Variants in SLCO4A1 observed in about 807,000 individuals in gnomAD.
SLCO4A1 encodes solute carrier organic anion transporter family member 4A1.
A neutral mutation model predicts 64.6 loss-of-function variants in SLCO4A1; 51 were observed. The ratio of observed to expected loss-of-function variants is 0.79; its 90% CI spans 0.63 to 1.00. The LOEUF (loss-of-function observed/expected upper bound fraction) is 1.00. SLCO4A1 is among the 50% of genes least tolerant of loss of function. SLCO4A1 has a pLI of 0.00. For missense variants in SLCO4A1, 919 were observed against 980.5 expected, an observed-to-expected ratio of 0.94 and a Z score of 0.84; for synonymous variants, 471 against 444.9, an observed-to-expected ratio of 1.06 and a Z score of -0.74.
downstream of SLCO4A1, among the ~76,000 whole-genome samples, chr20:62,688,815 C>T (rs1347791549): frequency 6.6e-6 from 1 of 152,194 alleles, no homozygotes; most frequent in Non-Finnish European, 1.5e-5. Context: ...CAGGGGAGAC[C>T]TAACTTTCAG....
intron 11 of SLCO4A1, among the ~76,000 whole-genome samples, chr20:62,670,471 ACGC>A (rs1317397454): frequency 9.2e-5 from 14 of 152,314 alleles, no homozygotes; most frequent in Admixed American, 2.6e-4. Flanking sequence ...CGGAGCACTC[ACGC>A]CGCCGTTCAG....
rs1254671533 is a variant in SLCO4A1 at position 62,668,933 on chromosome 20, G to C, written c.1880G>C (p.Gly627Ala). Residue 627 changes from glycine (G) to alanine (A), a missense_variant, in exon 11 of 12, where the codon GGC becomes GCC. Gly to Ala is a moderately conservative substitution (Grantham distance 60, BLOSUM62 0). Transcript: ENST00000217159. ...IQWIVVRILG[G>A]IPGPIAFGWV... ...CTGAGTGGGCTTCTCTCCGCAGGGG[G>C]CATCCCGGGGCCCATCGCCTTCGGC... The C allele has an allele frequency of 3.1e-6, 5 of 1,602,732 alleles. No homozygotes were observed. The highest frequency in any genetic ancestry group is 2.2e-5 in the East Asian group (1 of 44,876).
intron 2 of SLCO4A1, among the ~76,000 whole-genome samples, chr20:62,683,018 G>A (rs544141581): frequency 3.0e-4 from 45 of 152,328 alleles, no homozygotes; most frequent in African/African-American, 9.6e-4. Context: ...CTGTGAGGGC[G>A]CCCTGGTGCT....
downstream of SLCO4A1, among the ~76,000 whole-genome samples, chr20:62,689,280 C>T (rs796407776): frequency 1.3e-5 from 2 of 149,572 alleles, no homozygotes; most frequent in Non-Finnish European, 3.0e-5. Flanking sequence ...GGCCTGTCCC[C>T]GGCTGTGCCC....
rs558737121 is a variant in SLCO4A1 at position 62,647,690 on chromosome 20, T to C, written c.-97+5137T>C. On this transcript the variant is annotated intron_variant, in intron 1 of 11. Transcript: ENST00000217159. ...GCAGGGAGCCAGGCTGGGAAGTAAGTGCATGGGGCCTAGGGAAGTAGGTGG... is the reference window on the plus strand; with the variant it reads ...GCAGGGAGCCAGGCTGGGAAGTAAGCGCATGGGGCCTAGGGAAGTAGGTGG... 2.0e-4 allele frequency among the ~76,000 whole-genome samples: 31 copies of C among 152,346 alleles called. 1 individual carries two copies. In the South Asian group the frequency reaches 6.2e-3, roughly 31 times the overall value.
At chr20:62,686,997 G>GA (rs1218709515), downstream of SLCO4A1, among the ~76,000 whole-genome samples, 232 of 144,332 alleles carry the variant, frequency 1.6e-3, 1 homozygote, top group African/African-American at 5.2e-3. Context: ...GGCACGATGG[G>GA]AAGGGCACCC....
At chr20:62,662,482 G>T (rs1296075050) in intron 5 of SLCO4A1, among the ~76,000 whole-genome samples, 4 of 152,210 alleles carry the variant, frequency 2.6e-5, no homozygotes, top group African/African-American at 9.7e-5. Context: ...TGATAAGGAG[G>T]TTTATGTCCA....
At chr20:62,652,413 G>C (rs1372677353) in intron 1 of SLCO4A1, among the ~76,000 whole-genome samples, 1 of 151,776 alleles carries the variant, frequency 6.6e-6, no homozygotes, top group Non-Finnish European at 1.5e-5. Flanking sequence ...TTCTGTTTCG[G>C]CGGCCGGCGG....
chr20:62,656,446 G>A lies in SLCO4A1; in HGVS notation c.-9G>A, dbSNP rs1217827346. On this transcript the variant is annotated 5_prime_UTR_variant, in exon 2 of 12. Transcript: ENST00000217159. ...TGAAGCCTCGAGGTCACCAGGCGGA[G>A]GCGCGGAGATGCCCCTGCATCAGCT... 3 of 1,465,242 alleles carry A rather than the reference G, an allele frequency of 2.0e-6. No individual in the cohort carries two copies. Among genetic ancestry groups the A allele is most frequent in the Admixed American group, 2.4e-5 (1 of 41,758 alleles). The allele number at this position is 1,465,242 out of a possible 1,614,324, so 90.8% of individuals were successfully genotyped here. A position where few individuals can be genotyped will look rare whatever the true frequency, so the allele number is the denominator to read the frequency against.
intron 1 of SLCO4A1, among the ~76,000 whole-genome samples, chr20:62,653,089 G>A (rs2147069904): frequency 6.6e-6 from 1 of 152,362 alleles, no homozygotes; most frequent in East Asian, 1.9e-4. Context: ...AGTGTGCACA[G>A]CGGGTGTTAG....
At chr20:62,671,675 C>G in intron 11 of SLCO4A1, 75 bp from the exon 12 acceptor site, 1 of 1,434,920 alleles carries the variant, frequency 7.0e-7, no homozygotes, top group Admixed American at 1.8e-5. Flanking sequence ...AGGGACAGGA[C>G]TGGGACAGGC....
Position 62,656,774 on chromosome 20 carries a change from T to G in SLCO4A1, c.320T>G (p.Phe107Cys), listed in dbSNP as rs1248864459. The G allele has an allele frequency of 6.2e-7, 1 of 1,612,682 alleles. No individual in the cohort carries two copies. Among genetic ancestry groups the G allele is most frequent in the African/African-American group, 1.3e-5 (1 of 74,936 alleles). Residue 107 changes from phenylalanine (F) to cysteine (C), a missense_variant, in exon 2 of 12, where the codon TTC (phenylalanine) becomes TGC (cysteine). By Grantham distance (205) the Phe-to-Cys change is radical. Coordinates refer to ENST00000217159, the MANE Select transcript of SLCO4A1 (RefSeq NM_016354.4). ...CTCAACACGCCCAAGGGCATCCTGT[T>G]CTTCCTGTGTGCGGCCGCATTCCTG... ...QVLNTPKGIL[F>C]FLCAAAFLQG...
intron 1 of SLCO4A1, among the ~76,000 whole-genome samples, chr20:62,653,963 A>G (rs1006768343): frequency 2.6e-5 from 4 of 152,072 alleles, no homozygotes; most frequent in African/African-American, 9.7e-5. Context: ...TGGGTGCAGC[A>G]CACCAACATG....
intron 7 of SLCO4A1, chr20:62,666,855 C>T (rs923465667): frequency 2.5e-6 from 1 of 405,208 alleles, no homozygotes. Flanking sequence ...GTAGCTGTGT[C>T]AAATGGAACA....
At chr20:62,672,947 C>T (rs373557599), downstream of SLCO4A1, among the ~76,000 whole-genome samples, 17 of 103,076 alleles carry the variant, frequency 1.6e-4, 5 homozygotes, top group East Asian at 2.9e-4. Context: ...ACGCCACCCT[C>T]GCCCTCCGGT....
Position 62,672,072 on chromosome 20 carries a change from T to TG in SLCO4A1, c.*182dup. 1 of 1,480,364 alleles carries TG rather than the reference T, an allele frequency of 6.8e-7. No homozygotes were observed. The highest frequency in any genetic ancestry group is 1.8e-4 in the Middle Eastern group (1 of 5,688). 91.7% of individuals were successfully genotyped at this position (1,480,364 alleles called of 1,614,324 possible). A position where few individuals can be genotyped will look rare whatever the true frequency, so the allele number is the denominator to read the frequency against. ...CAGAGCTGTACGGCCCTGCAGTGGG[T>TG]GGGAGGAACTTGCATAAATATATAT... On this transcript the variant is annotated 3_prime_UTR_variant, in exon 12 of 12. Coordinates refer to ENST00000217159, the MANE Select transcript of SLCO4A1 (RefSeq NM_016354.4).
intron 5 of SLCO4A1, among the ~76,000 whole-genome samples, chr20:62,664,454 TTGG>T (rs1985695004): frequency 6.6e-6 from 1 of 152,198 alleles, no homozygotes. Context: ...GGTCCTGGAC[TTGG>T]TGGCCTCTGC....
At chr20:62,684,262 T>C (rs970091117) in intron 2 of SLCO4A1, among the ~76,000 whole-genome samples, 23 of 152,218 alleles carry the variant, frequency 1.5e-4, no homozygotes, top group African/African-American at 5.5e-4. Flanking sequence ...CCCTCTGAAA[T>C]GGGGCTGATA....
intron 2 of SLCO4A1, among the ~76,000 whole-genome samples, chr20:62,681,040 G>A (rs753117386): frequency 9.9e-5 from 15 of 152,162 alleles, no homozygotes; most frequent in Non-Finnish European, 2.1e-4. Context: ...AGCATCCTGA[G>A]TAGCTGGGAC....
Sources: gnomAD v4.1 joint callset for allele counts (sites outside exome capture counted in the v4.1 genomes callset) on GRCh38, gnomAD v4.1.1 for gene constraint, MANE v1.5 for transcripts, NCBI Gene and HGNC (gene_info 2026-07-23, HGNC 2026-07-21) for gene names.